The following AP1S3 variants were observed in gnomAD, a reference collection of about 807,000 sequenced individuals.
AP1S3 encodes the protein adaptor related protein complex 1 subunit sigma 3, also known as AP-1 complex subunit sigma-3.
Under a neutral mutation model 20.9 loss-of-function variants are expected in AP1S3, and 10 were observed. The ratio of observed to expected loss-of-function variants is 0.48; its 90% CI spans 0.29 to 0.81. The LOEUF (loss-of-function observed/expected upper bound fraction) is 0.81, where lower values mean the gene tolerates loss of function less well. Ranked by LOEUF, AP1S3 falls within the 30% of genes least tolerant of loss-of-function variation. The probability of loss-of-function intolerance (pLI) is 0.08; values close to 1 mark genes in which losing one functional copy is unlikely to be tolerated. For synonymous variants in AP1S3, 41 were observed against 61.5 expected, an observed-to-expected ratio of 0.67 and a Z score of 1.56; for missense variants, 154 against 183.8, an observed-to-expected ratio of 0.84 and a Z score of 0.94.
intron 1 of AP1S3, among the ~76,000 whole-genome samples, chr2:223,803,604 CA>C (rs1430031335): frequency 6.6e-6 from 1 of 151,986 alleles, no homozygotes; most frequent in Non-Finnish European, 1.5e-5. Flanking sequence ...GTCACTAAAA[CA>C]AGGCAGAGGA....
intron 1 of AP1S3, among the ~76,000 whole-genome samples, chr2:223,806,277 ATT>A (rs144953846): frequency 0.053 from 5,849 of 110,672 alleles, 89 homozygotes; most frequent in East Asian, 0.22. Flanking sequence ...AAACAAAGGA[ATT>A]TTTTTTTTTT....
intron 1 of AP1S3, among the ~76,000 whole-genome samples, chr2:223,812,665 G>A (rs1691760630): frequency 6.6e-6 from 1 of 151,976 alleles, no homozygotes; most frequent in Admixed American, 6.6e-5. Context: ...ACTTAATTAT[G>A]AAGAATAAAA....
intron 1 of AP1S3, among the ~76,000 whole-genome samples, chr2:223,794,863 G>A (rs1034404993): frequency 6.6e-6 from 1 of 152,154 alleles, no homozygotes; most frequent in Non-Finnish European, 1.5e-5. Flanking sequence ...AAGGAGGGAC[G>A]TTCACTGTTT....
At chr2:223,790,031 CA>C (rs1054045074) in intron 1 of AP1S3, among the ~76,000 whole-genome samples, 2 of 152,066 alleles carry the variant, frequency 1.3e-5, no homozygotes, top group African/African-American at 4.8e-5. Flanking sequence ...AGAAGCCCAT[CA>C]ACACGAAACT....
rs1400596813 is a variant in AP1S3, at chr2:223,758,069, A to G, written c.*646T>C. 1 of 983,970 alleles carries G rather than the reference A, an allele frequency of 1.0e-6. No homozygotes were observed. Among genetic ancestry groups the G allele is most frequent in the African/African-American group, 1.7e-5 (1 of 57,180 alleles). 61.0% of individuals were successfully genotyped at this position (983,970 alleles called of 1,614,324 possible). On this transcript the variant is annotated 3_prime_UTR_variant, in exon 5 of 5. Transcript: ENST00000396654. Reference sequence around the variant, plus strand: ...AAAAGATAAATTAAAACCTCAGTCAAGATAGCAGCTTCTAAGGCATCAAAA... The same window carrying G: ...AAAAGATAAATTAAAACCTCAGTCAGGATAGCAGCTTCTAAGGCATCAAAA...
intron 1 of AP1S3, among the ~76,000 whole-genome samples, chr2:223,820,211 T>G (rs1691954534): frequency 6.6e-6 from 1 of 152,292 alleles, no homozygotes; most frequent in East Asian, 1.9e-4. Flanking sequence ...GCAATTGATG[T>G]AAGATAAAGG....
chr2:223,820,730 A>G (rs542945849), intron 1 of AP1S3, among the ~76,000 whole-genome samples: 23 of 151,774 alleles, frequency 1.5e-4, no homozygotes, highest in African/African-American at 5.3e-4. Context: ...TGATAAGGAG[A>G]AAATTTCCTT....
intron 1 of AP1S3, among the ~76,000 whole-genome samples, chr2:223,803,628 G>C (rs1296052663): frequency 6.6e-6 from 1 of 151,948 alleles, no homozygotes. Context: ...TATAAAGATG[G>C]AAGTATCTTG....
chr2:223,791,518 T>G (rs765323554), intron 1 of AP1S3, among the ~76,000 whole-genome samples: 1 of 152,162 alleles, frequency 6.6e-6, no homozygotes, highest in African/African-American at 2.4e-5. Flanking sequence ...AAACTAGATA[T>G]TGAAGGAACA....
At chr2:223,768,019 T>C (rs1306806319) in intron 3 of AP1S3, among the ~76,000 whole-genome samples, 1 of 152,148 alleles carries the variant, frequency 6.6e-6, no homozygotes, top group Non-Finnish European at 1.5e-5. Context: ...CAGGTGGCGG[T>C]TGTGCCTGCT....
In AP1S3 at chr2:223,756,436, G is replaced by A. The variant is rs1298711497; in HGVS notation, c.*2279C>T. ...GAAGGAGAGAGAGAGAAGAAGGAAGGAAGAAAGGAAGGAAAAGAAAGAAAG... is the reference window on the plus strand; with the variant it reads ...GAAGGAGAGAGAGAGAAGAAGGAAGAAAGAAAGGAAGGAAAAGAAAGAAAG... On this transcript the variant is annotated 3_prime_UTR_variant, in exon 5 of 5. Transcript: ENST00000396654. 1 of 759,928 alleles carries A rather than the reference G, an allele frequency of 1.3e-6. No individual in the cohort carries two copies. Among genetic ancestry groups the A allele is most frequent in the African/African-American group, 2.7e-5 (1 of 36,714 alleles). 47.1% of individuals were successfully genotyped at this position (759,928 alleles called of 1,614,324 possible).
At chr2:223,818,827 TACA>T (rs1333867027) in intron 1 of AP1S3, among the ~76,000 whole-genome samples, 77 of 152,176 alleles carry the variant, frequency 5.1e-4, no homozygotes, top group African/African-American at 1.7e-3. Flanking sequence ...GTGCTGGGAT[TACA>T]GGCATGAGCC....
intron 1 of AP1S3, among the ~76,000 whole-genome samples, chr2:223,811,249 C>T (rs1193532999): frequency 3.3e-5 from 5 of 151,920 alleles, no homozygotes; most frequent in South Asian, 4.1e-4. Context: ...CCCACCACTA[C>T]ACCTGGCTAA....
At chr2:223,800,166 G>A (rs1691432605) in intron 1 of AP1S3, among the ~76,000 whole-genome samples, 1 of 150,534 alleles carries the variant, frequency 6.6e-6, no homozygotes, top group African/African-American at 2.4e-5. Flanking sequence ...AGTGAGCTGA[G>A]ATCGTACCAC....
chr2:223,784,840 AAAT>A (rs914370423), intron 1 of AP1S3, among the ~76,000 whole-genome samples: 3 of 152,126 alleles, frequency 2.0e-5, no homozygotes, highest in African/African-American at 4.8e-5. Context: ...CTCTACCAAA[AAAT>A]AATAATAATT....
At chr2:223,793,310 A>G (rs954130105) in intron 1 of AP1S3, among the ~76,000 whole-genome samples, 1 of 152,204 alleles carries the variant, frequency 6.6e-6, no homozygotes, top group East Asian at 1.9e-4. Context: ...TAGCAAAGAC[A>G]TGGAATCAAC....
At chr2:223,805,373 G>A (rs532780126) in intron 1 of AP1S3, among the ~76,000 whole-genome samples, 1 of 152,208 alleles carries the variant, frequency 6.6e-6, no homozygotes, top group South Asian at 2.1e-4. Flanking sequence ...AAACAGGGAG[G>A]CAGGGGTTGC....
Position 223,777,735 on chromosome 2 carries a change from T to C in AP1S3, c.138A>G (p.Thr46=), listed in dbSNP as rs1454932351. The C allele has an allele frequency of 1.2e-6, 2 of 1,613,972 alleles. No individual in the cohort carries two copies. The highest frequency in any genetic ancestry group is 1.7e-5 in the Admixed American group (1 of 59,976). ...VQIILSRGHR[T]SSFVDWKELK... ...GCTCCTTCCAGTCAACAAAACTGCT[T>C]GTCCTGTGACCACGGGAGAGAATAA... The change falls in exon 2 of 5, where the codon ACA becomes ACG. Residue 46 remains threonine (T), a synonymous_variant. Transcript: ENST00000396654.
At chr2:223,832,961 A>G (rs1692312175) in intron 1 of AP1S3, among the ~76,000 whole-genome samples, 1 of 151,024 alleles carries the variant, frequency 6.6e-6, no homozygotes, top group Non-Finnish European at 1.5e-5. Context: ...ATTTTTTTTT[A>G]GCATAAATCT....
Sources: allele counts gnomAD v4.1 joint callset (sites outside exome capture counted in the v4.1 genomes callset), GRCh38; gene constraint gnomAD v4.1.1; transcripts MANE v1.5; gene names NCBI Gene and HGNC (gene_info 2026-07-23, HGNC 2026-07-21).